XKR4: variants seen among roughly 807,000 people sequenced by gnomAD.
XKR4 encodes the protein XK related 4.
XKR4 carries 12 observed loss-of-function variants against 53.9 expected under a neutral mutation model. The ratio of observed to expected loss-of-function variants is 0.22; its 90% CI spans 0.14 to 0.36. The LOEUF is 0.36. Among genes scored for constraint, XKR4 ranks in the 10% least tolerant of loss-of-function variants. XKR4 has a pLI of 1.00. For synonymous variants in XKR4, 354 were observed against 362.4 expected (o/e 0.98, Z 0.26); for missense variants, 799 against 859.5 (o/e 0.93, Z 0.88).
chr8:55,271,381 G>A (rs566546551), intron 1 of XKR4, among the ~76,000 whole-genome samples: 243 of 152,324 alleles, frequency 1.6e-3, no homozygotes, highest in Non-Finnish European at 2.8e-3. Flanking sequence ...TGGAAGGCAA[G>A]GTTAAGTGCA....
At chr8:55,455,683 G>C (rs1279079644) in intron 2 of XKR4, among the ~76,000 whole-genome samples, 1 of 152,216 alleles carries the variant, frequency 6.6e-6, no homozygotes, top group African/African-American at 2.4e-5. Flanking sequence ...GATTAGATAA[G>C]ATCACCACAC....
chr8:55,449,800 G>T, intron 2 of XKR4: 1 of 1,203,898 alleles, frequency 8.3e-7, no homozygotes, highest in African/African-American at 1.5e-5. Flanking sequence ...GCTTCATGAA[G>T]GCCCCCTTCT....
intron 1 of XKR4, among the ~76,000 whole-genome samples, chr8:55,138,271 G>GC (rs1278934433): frequency 1.3e-5 from 2 of 152,128 alleles, no homozygotes; most frequent in African/African-American, 4.8e-5. Context: ...GGGAGAACTT[G>GC]AAGTCAATGG....
Position 55,540,329 on chromosome 8 carries a change from T to A in XKR4, c.*16102T>A, listed in dbSNP as rs962161980. The A allele has an allele frequency of 1.3e-5, 2 of 152,124 alleles. No homozygotes were observed. Among genetic ancestry groups the A allele is most frequent in the Non-Finnish European group, 2.9e-5 (2 of 68,012 alleles). 9.4% of individuals were successfully genotyped at this position (152,124 alleles called of 1,614,324 possible). ...GAAATTCTCTTTTGATCAAAAGGAG[T>A]GTCTCCCAATTAGTTTACGTGTGTT... On this transcript the variant is annotated 3_prime_UTR_variant, in exon 3 of 3. Coordinates refer to ENST00000327381, the MANE Select transcript of XKR4 (RefSeq NM_052898.2).
At position 55,241,209 on chromosome 8, in the gene XKR4, T is replaced by A. The variant is rs1004638530; in HGVS notation, c.807-116469T>A. ...ACTTTCAACCCGTGCATTCATGGACTCAGTCATTTATTCTTTCAACAATAA... is the reference window on the plus strand; with the variant it reads ...ACTTTCAACCCGTGCATTCATGGACACAGTCATTTATTCTTTCAACAATAA... On this transcript the variant is annotated intron_variant, in intron 1 of 2. Coordinates refer to ENST00000327381, the MANE Select transcript of XKR4 (RefSeq NM_052898.2). Among the ~76,000 whole-genome samples the A allele has an allele frequency of 2.0e-4, 30 of 152,230 alleles. 1 individual carries two copies.
At chr8:55,208,536 C>T (rs62517003) in intron 1 of XKR4, among the ~76,000 whole-genome samples, 1,833 of 151,976 alleles carry the variant, frequency 0.012, 23 homozygotes, top group South Asian at 0.029. Flanking sequence ...GTGCGATCTC[C>T]GTTCACTGCA....
At chr8:55,159,478 T>C (rs1767966437) in intron 1 of XKR4, among the ~76,000 whole-genome samples, 2 of 152,200 alleles carry the variant, frequency 1.3e-5, no homozygotes, top group African/African-American at 4.8e-5. Context: ...ATGACGGGGT[T>C]GTAGGGAACA....
intron 1 of XKR4, among the ~76,000 whole-genome samples, chr8:55,249,170 T>C (rs1028481812): frequency 1.3e-5 from 2 of 152,192 alleles, no homozygotes; most frequent in African/African-American, 4.8e-5. Flanking sequence ...CAAAAAAAGA[T>C]CATTGTTGAA....
intron 1 of XKR4, among the ~76,000 whole-genome samples, chr8:55,275,215 A>G (rs930175522): frequency 1.3e-5 from 2 of 152,144 alleles, no homozygotes; most frequent in Admixed American, 6.5e-5. Context: ...ATAGGAGCAA[A>G]ATGTCTAATA....
intron 2 of XKR4, among the ~76,000 whole-genome samples, chr8:55,498,502 G>A (rs763606722): frequency 6.6e-6 from 1 of 152,168 alleles, no homozygotes; most frequent in African/African-American, 2.4e-5. Context: ...ATGCAGGGCC[G>A]GGCACAGTGG....
rs370880096 is a variant in XKR4, at chr8:55,340,934, A to C, written c.807-16744A>C. ...GATAACCTGTGAAGCTGGACCTGAT[A>C]ATCGACAACCTGAAGAACTCAAAAG... On this transcript the variant is annotated intron_variant, in intron 1 of 2. Transcript: ENST00000327381. Among the ~76,000 whole-genome samples, 4 of 152,192 alleles carry C rather than the reference A, an allele frequency of 2.6e-5. No homozygotes were observed. The South Asian group carries it at 8.3e-4, about 32-fold the overall frequency.
chr8:55,149,453 C>A (rs902057859), intron 1 of XKR4, among the ~76,000 whole-genome samples: 5 of 152,020 alleles, frequency 3.3e-5, no homozygotes, highest in African/African-American at 9.7e-5. Context: ...AGTAGGAGAG[C>A]AAGAGAAACA....
intron 1 of XKR4, among the ~76,000 whole-genome samples, chr8:55,168,007 G>A (rs1817093015): frequency 6.6e-6 from 1 of 152,126 alleles, no homozygotes; most frequent in African/African-American, 2.4e-5. Context: ...TTCATTATGA[G>A]AAATATAGGT....
intron 1 of XKR4, among the ~76,000 whole-genome samples, chr8:55,141,746 G>A (rs11778084): frequency 0.25 from 37,351 of 150,512 alleles, 5,293 homozygotes; most frequent in East Asian, 0.38. Context: ...ATAAGTAATA[G>A]TCCCTAAAAC....
chr8:55,477,467 AGAAAAACT>A (rs1011337357), intron 2 of XKR4, among the ~76,000 whole-genome samples: 7 of 152,174 alleles, frequency 4.6e-5, no homozygotes, highest in African/African-American at 2.4e-5. Context: ...AAAACAGAGC[AGAAAAACT>A]GGAAACTCTA....
chr8:55,408,149 AG>A (rs2129390818), intron 2 of XKR4, among the ~76,000 whole-genome samples: 1 of 152,314 alleles, frequency 6.6e-6, no homozygotes, highest in East Asian at 1.9e-4. Context: ...TTAGTAAAAA[AG>A]GGATGAGAGG....
intron 2 of XKR4, among the ~76,000 whole-genome samples, chr8:55,359,824 A>C (rs972051543): frequency 5.9e-5 from 9 of 152,218 alleles, no homozygotes; most frequent in Non-Finnish European, 1.0e-4. Flanking sequence ...AGGAAAATGC[A>C]ATCCTTAGTC....
At chr8:55,327,580 T>C (rs1803312685) in intron 1 of XKR4, among the ~76,000 whole-genome samples, 1 of 152,208 alleles carries the variant, frequency 6.6e-6, no homozygotes, top group Non-Finnish European at 1.5e-5. Context: ...ATTATTATAG[T>C]TCTAAATTGC....
intron 1 of XKR4, among the ~76,000 whole-genome samples, chr8:55,197,828 C>G (rs1817525435): frequency 1.3e-5 from 2 of 152,152 alleles, no homozygotes; most frequent in South Asian, 4.1e-4. Flanking sequence ...CAGGCGTGAG[C>G]CACCACACCC....
Sources: gnomAD v4.1 joint callset for allele counts (sites outside exome capture counted in the v4.1 genomes callset) on GRCh38, gnomAD v4.1.1 for gene constraint, MANE v1.5 for transcripts, NCBI Gene and HGNC (gene_info 2026-07-23, HGNC 2026-07-21) for gene names.